Variants in SGTB observed in about 807,000 individuals in gnomAD.
SGTB encodes small glutamine-rich tetratricopeptide repeat-containing protein beta.
In SGTB, 19 loss-of-function variants were observed where a neutral mutation model predicts 43.9. The ratio of observed to expected loss-of-function variants is 0.43; its 90% CI spans 0.30 to 0.63. The LOEUF is 0.63. Among genes scored for constraint, SGTB ranks in the 30% least tolerant of loss-of-function variants. SGTB has a pLI of 0.12. For synonymous variants in SGTB, 116 were observed against 117.3 expected (o/e 0.99, Z 0.07); for missense variants, 304 against 358.9 (o/e 0.85, Z 1.24).
chr5:65,683,699 C>G (rs1444993946), intron 6 of SGTB, among the ~76,000 whole-genome samples: 1 of 152,172 alleles, frequency 6.6e-6, no homozygotes, highest in African/African-American at 2.4e-5. Flanking sequence ...GTAATCCCAG[C>G]ACTTTGGGAG....
chr5:65,673,845 G>A (rs894523284), intron 8 of SGTB, among the ~76,000 whole-genome samples: 36 of 152,036 alleles, frequency 2.4e-4, no homozygotes, highest in African/African-American at 8.7e-4. Flanking sequence ...TAGTAGAGAC[G>A]GGGTTTCGCC....
Position 65,676,255 on chromosome 5 carries a change from T to G in SGTB, c.682-3974A>C, listed in dbSNP as rs147618630. 9.6e-4 allele frequency among the ~76,000 whole-genome samples: 145 copies of G among 151,650 alleles called. 1 individual carries two copies. The highest frequency in any genetic ancestry group is 3.4e-3 in the Middle Eastern group (1 of 290). On this transcript the variant is annotated intron_variant, in intron 8 of 10. Coordinates refer to ENST00000381007, the MANE Select transcript of SGTB (RefSeq NM_019072.3). ...AAAAGACAAAGAAGGAAGCAGAGGT[T>G]GCAGTGAGCTGAAATTGCGCCACTG... is the stretch of plus-strand genomic sequence containing the variant.
intron 5 of SGTB, among the ~76,000 whole-genome samples, chr5:65,693,875 T>C (rs1013974376): frequency 3.3e-5 from 5 of 152,176 alleles, no homozygotes; most frequent in African/African-American, 7.2e-5. Context: ...TGCCAAGCTG[T>C]CTAACAGAAC....
At chr5:65,687,585 T>C (rs1201837118) in intron 5 of SGTB, among the ~76,000 whole-genome samples, 1 of 152,148 alleles carries the variant, frequency 6.6e-6, no homozygotes, top group Admixed American at 6.5e-5. Flanking sequence ...TCTACCACTA[T>C]AGAAAGCTCT....
intron 4 of SGTB, among the ~76,000 whole-genome samples, chr5:65,707,440 A>ATTT (rs1415070320): frequency 7.9e-6 from 1 of 126,136 alleles, no homozygotes; most frequent in African/African-American, 2.8e-5. Flanking sequence ...ACACACATAT[A>ATTT]TTTTTTTTTT....
At position 65,712,438 on chromosome 5, in the gene SGTB, GGATTTCAGTCTTAGTTTTGCACAGT is replaced by G. The variant is rs1268131822; in HGVS notation, c.204+498_204+522del. On this transcript the variant is annotated intron_variant, in intron 3 of 10. Transcript: ENST00000381007. ...CCCAGGAGCAGGGATCAGAAAACTTGGATTTCAGTCTTAGTTTTGCACAGTGACCCTTAACCCTTCCCTGTTTTAA... is the reference window on the plus strand; with the variant it reads ...CCCAGGAGCAGGGATCAGAAAACTTGGACCCTTAACCCTTCCCTGTTTTAA... Among the ~76,000 whole-genome samples the G allele has an allele frequency of 2.6e-5, 4 of 152,254 alleles. No homozygotes were observed. In the East Asian group the frequency reaches 5.8e-4, roughly 22 times the overall value.
Position 65,668,094 on chromosome 5 carries a change from G to C in SGTB, c.*2152C>G, listed in dbSNP as rs916368291. The C allele has an allele frequency of 1.3e-5, 2 of 151,512 alleles. No homozygotes were observed. Among genetic ancestry groups the C allele is most frequent in the Non-Finnish European group, 2.9e-5 (2 of 67,958 alleles). 9.4% of individuals were successfully genotyped at this position (151,512 alleles called of 1,614,324 possible). On this transcript the variant is annotated 3_prime_UTR_variant, in exon 11 of 11. Coordinates refer to ENST00000381007, the MANE Select transcript of SGTB (RefSeq NM_019072.3). ...CAGCCTCCCAAGTAGCTGGGACTACGGGTGCCCGCCACCAAGCCAGGCTAA... is the reference window on the plus strand; with the variant it reads ...CAGCCTCCCAAGTAGCTGGGACTACCGGTGCCCGCCACCAAGCCAGGCTAA...
intron 5 of SGTB, among the ~76,000 whole-genome samples, chr5:65,685,858 A>G (rs1459699561): frequency 2.0e-5 from 3 of 152,240 alleles, no homozygotes; most frequent in African/African-American, 7.2e-5. Flanking sequence ...GGGTTGTGCT[A>G]TTATCACTTT....
chr5:65,670,621 A>G (rs1757136676), intron 10 of SGTB, among the ~76,000 whole-genome samples: 1 of 152,222 alleles, frequency 6.6e-6, no homozygotes, highest in Admixed American at 6.5e-5. Flanking sequence ...CTCTAGTGCT[A>G]ATGACAAAGA....
In SGTB at chr5:65,708,375, G is replaced by T. The variant is rs148884470; in HGVS notation, c.274+114C>A. The T allele has an allele frequency of 2.5e-3, 2,062 of 818,340 alleles. 12 individuals carry two copies. Among genetic ancestry groups the T allele is most frequent in the East Asian group, 0.016 (597 of 36,568 alleles). The allele number at this position is 818,340 out of a possible 1,614,324, so 50.7% of individuals were successfully genotyped here. A position where few individuals can be genotyped will look rare whatever the true frequency, so the allele number is the denominator to read the frequency against. On this transcript the variant is annotated intron_variant, in intron 4 of 10. Coordinates refer to ENST00000381007, the MANE Select transcript of SGTB (RefSeq NM_019072.3). Reference sequence around the variant, plus strand: ...CATTTCTGTTTCGTAATTGCCATGTGCACTTATGACAATCTAGTCTTGGTG... The same window carrying T: ...CATTTCTGTTTCGTAATTGCCATGTTCACTTATGACAATCTAGTCTTGGTG...
In SGTB at chr5:65,667,178, T is replaced by A. The variant is rs562045772; in HGVS notation, c.*3068A>T. The A allele has an allele frequency of 1.1e-4, 17 of 152,324 alleles. No homozygotes were observed. The highest frequency in any genetic ancestry group is 3.6e-4 in the African/African-American group (15 of 41,570). The allele number at this position is 152,324 out of a possible 1,614,324, so 9.4% of individuals were successfully genotyped here. On this transcript the variant is annotated 3_prime_UTR_variant, in exon 11 of 11. Coordinates refer to ENST00000381007, the MANE Select transcript of SGTB (RefSeq NM_019072.3). ...TAGGGAATCTGTTTCATCTAAGTTGTTAAATATACAATCCTTGAGTTGGTC... is the reference window on the plus strand; with the variant it reads ...TAGGGAATCTGTTTCATCTAAGTTGATAAATATACAATCCTTGAGTTGGTC...
At chr5:65,677,768 G>A (rs967536644) in intron 8 of SGTB, among the ~76,000 whole-genome samples, 9 of 152,070 alleles carry the variant, frequency 5.9e-5, no homozygotes, top group African/African-American at 2.2e-4. Flanking sequence ...AGATGCTGAA[G>A]AGGCCTTCAA....
Position 65,704,334 on chromosome 5 carries a change from A to G in SGTB, c.319T>C (p.Cys107Arg). The G allele has an allele frequency of 6.2e-7, 1 of 1,612,976 alleles. No homozygotes were observed. Among genetic ancestry groups the G allele is most frequent in the Non-Finnish European group, 8.5e-7 (1 of 1,179,482 alleles). The change falls in exon 5 of 11, where the codon TGT becomes CGT. Residue 107 changes from cysteine (C) to arginine (R), a missense_variant. Physicochemically the swap from Cys to Arg is radical, Grantham distance 180 (BLOSUM62 -3). Coordinates refer to ENST00000381007, the MANE Select transcript of SGTB (RefSeq NM_019072.3). Reference sequence around the variant, plus strand: ...TCCAATTCTATTGCCTGTGTGTAACAATCCACTGCAGCAGCATAATTTTCT... The same window carrying G: ...TCCAATTCTATTGCCTGTGTGTAACGATCCACTGCAGCAGCATAATTTTCT... ...KEENYAAAVD[C>R]YTQAIELDPN...
rs1360119484 is a variant in SGTB at position 65,666,515 on chromosome 5, T to C, written c.*3731A>G. ...TACGATGCTTAAAGAGTTACTTTAA[T>C]AATGCCCTCTTATTTTTCTAGTTAG... On this transcript the variant is annotated 3_prime_UTR_variant, in exon 11 of 11. Transcript: ENST00000381007. 6.6e-6 allele frequency: 1 copy of C among 152,226 alleles called. No individual in the cohort carries two copies. The highest frequency in any genetic ancestry group is 1.9e-4 in the East Asian group (1 of 5,204). 9.4% of individuals were successfully genotyped at this position (152,226 alleles called of 1,614,324 possible).
chr5:65,680,561 A>G lies in SGTB; in HGVS notation c.619-5T>C, dbSNP rs370721842. The G allele has an allele frequency of 1.2e-6, 2 of 1,614,014 alleles. No homozygotes were observed. The highest frequency in any genetic ancestry group is 2.7e-5 in the African/African-American group (2 of 74,950). On this transcript the variant is annotated splice_region_variant and splice_polypyrimidine_tract_variant and intron_variant, in intron 7 of 10. Coordinates refer to ENST00000381007, the MANE Select transcript of SGTB (RefSeq NM_019072.3). ...AAAGCTCAGTCCAGTTCCTGTCTGT[A>G]AAACAATTATATCTGAGAATCAGTC...
chr5:65,719,907 A>G (rs1758224700), intron 2 of SGTB, among the ~76,000 whole-genome samples: 1 of 152,172 alleles, frequency 6.6e-6, no homozygotes, highest in African/African-American at 2.4e-5. Context: ...AGACTTTTAC[A>G]TAGTGCTATT....
At chr5:65,695,522 C>A (rs537279365) in intron 5 of SGTB, among the ~76,000 whole-genome samples, 1 of 152,174 alleles carries the variant, frequency 6.6e-6, no homozygotes, top group Admixed American at 6.5e-5. Flanking sequence ...TGAATAACAA[C>A]GTGGTCTGTG....
chr5:65,682,812 G>A (rs1055727419), intron 6 of SGTB, among the ~76,000 whole-genome samples: 9 of 152,046 alleles, frequency 5.9e-5, no homozygotes, highest in African/African-American at 9.7e-5. Context: ...AATTAGATCC[G>A]ATAATATATA....
intron 5 of SGTB, among the ~76,000 whole-genome samples, chr5:65,691,003 T>G (rs769990220): frequency 3.3e-5 from 5 of 152,146 alleles, no homozygotes; most frequent in Non-Finnish European, 7.4e-5. Flanking sequence ...GTGCTAGTGG[T>G]GTAATATTGG....
Sources: gnomAD v4.1 joint callset for allele counts (sites outside exome capture counted in the v4.1 genomes callset) on GRCh38, gnomAD v4.1.1 for gene constraint, MANE v1.5 for transcripts, NCBI Gene and HGNC (gene_info 2026-07-23, HGNC 2026-07-21) for gene names.